IQCJ: variants seen among roughly 807,000 people sequenced by gnomAD.
IQCJ encodes the protein IQ motif containing J, also known as IQ domain-containing protein J.
Under a neutral mutation model 11.0 loss-of-function variants are expected in IQCJ, and 9 were observed. The ratio of observed to expected loss-of-function variants is 0.82; its 90% CI spans 0.49 to 1.43. The LOEUF (loss-of-function observed/expected upper bound fraction) is 1.43. Ranked by LOEUF, IQCJ falls within the 40% of genes most tolerant of loss-of-function variation. The pLI is 0.00. For synonymous variants in IQCJ, 55 were observed against 51.3 expected (o/e 1.07, Z -0.31); for missense variants, 146 against 133.2 (o/e 1.10, Z -0.47).
rs568257208 is a variant in IQCJ at position 159,101,262 on chromosome 3, ACTGT to A, written c.9+31825_9+31828del. Among the ~76,000 whole-genome samples the A allele has an allele frequency of 3.9e-3, 590 of 149,510 alleles. 5 individuals carry two copies. Among genetic ancestry groups the A allele is most frequent in the Middle Eastern group, 0.024 (7 of 292 alleles). On this transcript the variant is annotated intron_variant, in intron 1 of 3. Coordinates refer to ENST00000397832, the MANE Select transcript of IQCJ (RefSeq NM_001042706.3). ...TGCGCACACACACTGGCCTGCGCCCACTGTCTGGCACTCCCTAGTGAGATGAACC... is the reference window on the plus strand; with the variant it reads ...TGCGCACACACACTGGCCTGCGCCCACTGGCACTCCCTAGTGAGATGAACC...
rs1725610009 is a variant in IQCJ, at chr3:159,222,510, CAG to C, written c.10-23330_10-23329del. ...AATTAAAAAGTCAAATTCATAGAAA[CAG>C]AGTAGAATGCTGATTACCAGAGGTG... is the stretch of plus-strand genomic sequence containing the variant. On this transcript the variant is annotated intron_variant, in intron 1 of 3. Transcript: ENST00000397832. Among the ~76,000 whole-genome samples, 3 of 152,010 alleles carry C rather than the reference CAG, an allele frequency of 2.0e-5. No individual in the cohort carries two copies. In the South Asian group the frequency reaches 6.2e-4, roughly 31 times the overall value.
At chr3:159,258,179 C>A (rs1238648913) in intron 3 of IQCJ, among the ~76,000 whole-genome samples, 2 of 152,210 alleles carry the variant, frequency 1.3e-5, no homozygotes, top group Non-Finnish European at 2.9e-5. Flanking sequence ...AACATTGCAA[C>A]AAAGTGGCCA....
intron 1 of IQCJ, among the ~76,000 whole-genome samples, chr3:159,142,097 C>T (rs565745402): frequency 4.1e-4 from 62 of 152,286 alleles, no homozygotes; most frequent in African/African-American, 1.3e-3. Flanking sequence ...AGACTAATTA[C>T]GTTACTGTTC....
intron 1 of IQCJ, among the ~76,000 whole-genome samples, chr3:159,239,954 A>G (rs1484464337): frequency 6.6e-6 from 1 of 152,222 alleles, no homozygotes; most frequent in Non-Finnish European, 1.5e-5. Flanking sequence ...TGTTCACACA[A>G]TGATGAAATC....
chr3:159,209,592 C>T lies in IQCJ; in HGVS notation c.10-36251C>T, dbSNP rs115878833. ...AAGGGCACTGCTTGTAACACACGTC[C>T]TCTGGGGCTCCAGAGGTCATGGGCA... is the stretch of plus-strand genomic sequence containing the variant. On this transcript the variant is annotated intron_variant, in intron 1 of 3. Coordinates refer to ENST00000397832, the MANE Select transcript of IQCJ (RefSeq NM_001042706.3). 2.3e-3 allele frequency among the ~76,000 whole-genome samples: 349 copies of T among 152,282 alleles called. 1 individual carries two copies. The highest frequency in any genetic ancestry group is 8.1e-3 in the African/African-American group (337 of 41,550).
intron 1 of IQCJ, among the ~76,000 whole-genome samples, chr3:159,109,527 T>TAAAAAAAAAA (rs3051445): frequency 8.2e-6 from 1 of 122,670 alleles, no homozygotes; most frequent in Non-Finnish European, 1.7e-5. Flanking sequence ...TTGTATTAAC[T>TAAAAAAAAAA]AAAAAAAAAA....
intron 1 of IQCJ, among the ~76,000 whole-genome samples, chr3:159,103,603 G>A (rs1008503417): frequency 2.6e-5 from 4 of 152,182 alleles, no homozygotes; most frequent in African/African-American, 9.7e-5. Context: ...TATGGAACAA[G>A]TTTTGTATTT....
intron 1 of IQCJ, among the ~76,000 whole-genome samples, chr3:159,093,813 A>C (rs1418413959): frequency 2.0e-5 from 3 of 151,832 alleles, no homozygotes; most frequent in Admixed American, 2.0e-4. Flanking sequence ...AGGGAGAAAA[A>C]GCCCTTTATA....
intron 1 of IQCJ, among the ~76,000 whole-genome samples, chr3:159,162,738 G>T (rs57473274): frequency 0.17 from 26,108 of 152,028 alleles, 2,333 homozygotes; most frequent in Middle Eastern, 0.21. Flanking sequence ...TGATAAAGGG[G>T]ATATCACCAC....
At chr3:159,181,728 C>A (rs1052747422) in intron 1 of IQCJ, among the ~76,000 whole-genome samples, 2 of 151,810 alleles carry the variant, frequency 1.3e-5, no homozygotes, top group Middle Eastern at 3.4e-3. Context: ...TCCATAAAAA[C>A]CAAGTTGTGT....
intron 1 of IQCJ, among the ~76,000 whole-genome samples, chr3:159,089,793 G>A (rs1243272163): frequency 5.9e-5 from 9 of 151,384 alleles, no homozygotes; most frequent in Non-Finnish European, 1.0e-4. Flanking sequence ...GCACTTCTCT[G>A]TATTGGTTAT....
chr3:159,139,495 TCTCATGAGGTCCGG>T (rs1720481139), intron 1 of IQCJ, among the ~76,000 whole-genome samples: 1 of 152,176 alleles, frequency 6.6e-6, no homozygotes, highest in Non-Finnish European at 1.5e-5. Flanking sequence ...AGCGGTCCTC[TCTCATGAGGTCCGG>T]CTCACTGCAC....
At chr3:159,214,432 C>A (rs1725115167) in intron 1 of IQCJ, among the ~76,000 whole-genome samples, 1 of 152,194 alleles carries the variant, frequency 6.6e-6, no homozygotes, top group Non-Finnish European at 1.5e-5. Context: ...CTCCAAAAAC[C>A]TTCCTATTCA....
Position 159,109,542 on chromosome 3 carries a change from A to AAC in IQCJ, c.9+40102_9+40103insCA, listed in dbSNP as rs1449759316. ...TTGTATTAACTAAAAAAAAAAAAAA[A>AAC]AAAACCAGTTGTCATTTTGTTTTGC... On this transcript the variant is annotated intron_variant, in intron 1 of 3. Transcript: ENST00000397832. Among the ~76,000 whole-genome samples, 463 of 151,572 alleles carry AAC rather than the reference A, an allele frequency of 3.1e-3. 1 individual carries two copies. The highest frequency in any genetic ancestry group is 0.011 in the African/African-American group (451 of 41,220).
intron 1 of IQCJ, among the ~76,000 whole-genome samples, chr3:159,237,261 G>A (rs575868967): frequency 1.4e-4 from 21 of 152,306 alleles, no homozygotes; most frequent in African/African-American, 3.9e-4. Flanking sequence ...GACAATAGAA[G>A]TGGTCGAGAT....
chr3:159,251,424 A>G (rs1381192460), intron 2 of IQCJ, among the ~76,000 whole-genome samples: 1 of 151,786 alleles, frequency 6.6e-6, no homozygotes, highest in Non-Finnish European at 1.5e-5. Flanking sequence ...CTCCAAATGC[A>G]TGGAGCTCCC....
chr3:159,125,614 A>G (rs115441020), intron 1 of IQCJ, among the ~76,000 whole-genome samples: 156 of 152,310 alleles, frequency 1.0e-3, no homozygotes, highest in Non-Finnish European at 1.9e-3. Context: ...CTAAAAGCTG[A>G]AATTTATTTT....
intron 1 of IQCJ, among the ~76,000 whole-genome samples, chr3:159,129,400 G>T (rs930668926): frequency 1.3e-5 from 2 of 152,192 alleles, no homozygotes; most frequent in Non-Finnish European, 2.9e-5. Flanking sequence ...AAATCTAATT[G>T]CACCTGAAAA....
intron 1 of IQCJ, among the ~76,000 whole-genome samples, chr3:159,243,979 A>G (rs192335161): frequency 6.6e-6 from 1 of 152,364 alleles, no homozygotes; most frequent in African/African-American, 2.4e-5. Flanking sequence ...GGAAGAAATG[A>G]GTAAAGTCTG....
Sources: gnomAD v4.1 joint callset for allele counts (sites outside exome capture counted in the v4.1 genomes callset) on GRCh38, gnomAD v4.1.1 for gene constraint, MANE v1.5 for transcripts, NCBI Gene and HGNC (gene_info 2026-07-23, HGNC 2026-07-21) for gene names.